The following ABCA4 variants were observed in gnomAD, a reference collection of about 807,000 sequenced individuals.
ABCA4 encodes ATP binding cassette subfamily A member 4, also known as retinal-specific phospholipid-transporting ATPase ABCA4.
A neutral mutation model predicts 263.7 loss-of-function variants in ABCA4; 196 were observed. The observed-to-expected ratio is 0.74, with a 90% CI of 0.66 to 0.84. The LOEUF is 0.84. Among genes scored for constraint, ABCA4 ranks in the 40% least tolerant of loss-of-function variants. ABCA4 has a pLI of 0.00. For synonymous variants in ABCA4, 1,133 were observed against 1,094.2 expected, an observed-to-expected ratio of 1.04 and a Z score of -0.70; for missense variants, 2,792 against 2,855.1, an observed-to-expected ratio of 0.98 and a Z score of 0.50.
intron 6 of ABCA4, among the ~76,000 whole-genome samples, chr1:94,096,895 C>T (rs1397065472): frequency 6.6e-6 from 1 of 152,204 alleles, no homozygotes; most frequent in Non-Finnish European, 1.5e-5. Context: ...CCCAGGTGCA[C>T]AGACATTGCT....
At chr1:94,080,334 C>G in intron 8 of ABCA4, 144 bp downstream of exon 8, 1 of 1,172,998 alleles carries the variant, frequency 8.5e-7, no homozygotes, top group Non-Finnish European at 1.3e-6. Context: ...GGGAAGTGGA[C>G]TTTCTGGGAG....
intron 26 of ABCA4, among the ~76,000 whole-genome samples, chr1:94,034,326 C>T (rs763977579): frequency 3.9e-5 from 6 of 152,170 alleles, no homozygotes; most frequent in Non-Finnish European, 8.8e-5. Flanking sequence ...CTCTCTTCTT[C>T]TTCCCGATGC....
intron 48 of ABCA4, among the ~76,000 whole-genome samples, chr1:93,996,687 T>A (rs6677399): frequency 0.069 from 10,454 of 151,850 alleles, 1,164 homozygotes; most frequent in African/African-American, 0.23. Context: ...TGTTTATTTT[T>A]AAAAAAACAT....
chr1:94,084,337 C>T (rs1309701433), intron 6 of ABCA4, among the ~76,000 whole-genome samples: 2 of 152,238 alleles, frequency 1.3e-5, no homozygotes, highest in African/African-American at 4.8e-5. Flanking sequence ...ACCAGCTGGA[C>T]TTGTAATTCT....
At chr1:94,118,929 A>C (rs1345680517) in intron 1 of ABCA4, among the ~76,000 whole-genome samples, 1 of 152,238 alleles carries the variant, frequency 6.6e-6, no homozygotes, top group South Asian at 2.1e-4. Context: ...TCCTGTTATC[A>C]TGTGACCCCC....
At chr1:94,070,388 A>G (rs1038071876) in intron 11 of ABCA4, among the ~76,000 whole-genome samples, 3 of 152,082 alleles carry the variant, frequency 2.0e-5, no homozygotes, top group Non-Finnish European at 4.4e-5. Flanking sequence ...TGCTGCAGCC[A>G]CACCTCTGCC....
chr1:94,023,432 T>C lies in ABCA4; in HGVS notation c.4635-14A>G, dbSNP rs1470993064. 1 of 1,602,624 alleles carries C rather than the reference T, an allele frequency of 6.2e-7. No individual in the cohort carries two copies. Among genetic ancestry groups the C allele is most frequent in the South Asian group, 1.1e-5 (1 of 90,584 alleles). On this transcript the variant is annotated splice_polypyrimidine_tract_variant and intron_variant, in intron 31 of 49. Coordinates refer to ENST00000370225, the MANE Select transcript of ABCA4 (RefSeq NM_000350.3). ...TTGCTCTTTAAGCTGAAAGCCAAAA[T>C]AAAATAATGCAATGAATACCACAAG...
intron 36 of ABCA4, among the ~76,000 whole-genome samples, chr1:94,018,042 C>A (rs1659785618): frequency 1.3e-5 from 2 of 152,128 alleles, no homozygotes; most frequent in Non-Finnish European, 1.5e-5. Context: ...CTTTAAAATT[C>A]TGGAGCATCA....
chr1:94,021,054 G>T (rs1337842990), intron 35 of ABCA4, among the ~76,000 whole-genome samples, 186 bp downstream of exon 35: 1 of 152,256 alleles, frequency 6.6e-6, no homozygotes, highest in Non-Finnish European at 1.5e-5. Flanking sequence ...TGGGGAGAAA[G>T]AATGACCAAG....
At chr1:94,097,904 C>T (rs145275969) in intron 6 of ABCA4, among the ~76,000 whole-genome samples, 3,474 of 152,232 alleles carry the variant, frequency 0.023, 131 homozygotes, top group African/African-American at 0.079. Flanking sequence ...CGCCCGCCAC[C>T]ACACCTGGCT....
Position 93,996,180 on chromosome 1 carries a change from C to T in ABCA4, c.6745G>A (p.Ala2249Thr). The change falls in exon 49 of 50, where the codon GCT becomes ACT. Residue 2249 changes from alanine (A) to threonine (T), a missense_variant. Transcript: ENST00000370225. Reference sequence around the variant, plus strand: ...TCATGACTTTCAGTCTGCTGTTTAGCAAAATTTACAAACACCTAGAGGTAA... The same window carrying T: ...TCATGACTTTCAGTCTGCTGTTTAGTAAAATTTACAAACACCTAGAGGTAA... The part of the protein sequence containing the change: ...TTLDQVFVNF[A>T]KQQTESHDLP... 4.3e-6 allele frequency: 7 copies of T among 1,613,674 alleles called. No homozygotes were observed. Among genetic ancestry groups the T allele is most frequent in the Non-Finnish European group, 5.9e-6 (7 of 1,179,826 alleles).
At chr1:94,098,676 A>G (rs1291828583) in intron 6 of ABCA4, 118 bp downstream of exon 6, 4 of 1,206,858 alleles carry the variant, frequency 3.3e-6, no homozygotes, top group Non-Finnish European at 4.8e-6. Context: ...GGGAGCCTGG[A>G]GCTTTTGCAA....
intron 8 of ABCA4, 117 bp downstream of exon 8, chr1:94,080,361 G>C: frequency 7.0e-7 from 1 of 1,423,448 alleles, no homozygotes; most frequent in Middle Eastern, 2.4e-4. Flanking sequence ...CTTTACCTAA[G>C]GCCACTCAGC....
rs1361607044 is a variant in ABCA4 at position 94,103,019 on chromosome 1, T to C, written c.566A>G (p.Glu189Gly). The C allele has an allele frequency of 1.2e-6, 2 of 1,614,074 alleles. No homozygotes were observed. Among genetic ancestry groups the C allele is most frequent in the African/African-American group, 1.3e-5 (1 of 74,940 alleles). Reference sequence around the variant, plus strand: ...TGGCCAGTGACATCCCCCTACCTGCTCTGGACGGACTTGAGAGTTGATCAG... The same window carrying C: ...TGGCCAGTGACATCCCCCTACCTGCCCTGGACGGACTTGAGAGTTGATCAG... ...YLLINSQVRP[E>G]QFAHGVPDLA... Residue 189 changes from glutamate to glycine, a missense_variant, in exon 5 of 50, where the codon GAG becomes GGG. Transcript: ENST00000370225.
In ABCA4 at chr1:94,110,271, AT is replaced by A. The variant is rs1241124385; in HGVS notation, c.302+1166del. Reference sequence around the variant, plus strand: ...CATAAAAATTACAGGCTTACAGATCATACAGTCTCTATCACAACTACTCAAC... The same window carrying A: ...CATAAAAATTACAGGCTTACAGATCAACAGTCTCTATCACAACTACTCAAC... On this transcript the variant is annotated intron_variant, in intron 3 of 49. Coordinates refer to ENST00000370225, the MANE Select transcript of ABCA4 (RefSeq NM_000350.3). 2.0e-5 allele frequency among the ~76,000 whole-genome samples: 3 copies of A among 152,362 alleles called. No homozygotes were observed. In the East Asian group the frequency reaches 5.8e-4, roughly 29 times the overall value.
intron 11 of ABCA4, among the ~76,000 whole-genome samples, chr1:94,065,838 A>T (rs1435148618): frequency 6.6e-6 from 1 of 152,260 alleles, no homozygotes; most frequent in Non-Finnish European, 1.5e-5. Flanking sequence ...CAGTGACACC[A>T]TGCTAATGAG....
At chr1:94,065,570 C>T (rs1661248508) in intron 11 of ABCA4, among the ~76,000 whole-genome samples, 1 of 152,212 alleles carries the variant, frequency 6.6e-6, no homozygotes, top group South Asian at 2.1e-4. Context: ...CAAGGGGCTG[C>T]ACACCCAACA....
intron 11 of ABCA4, among the ~76,000 whole-genome samples, chr1:94,067,379 C>T (rs987873812): frequency 1.1e-4 from 16 of 152,302 alleles, no homozygotes; most frequent in East Asian, 1.9e-4. Context: ...GCTGTGATGA[C>T]GTGGGCTCCA....
At chr1:94,025,810 C>T (rs558889157) in intron 30 of ABCA4, among the ~76,000 whole-genome samples, 6 of 152,248 alleles carry the variant, frequency 3.9e-5, no homozygotes, top group South Asian at 4.2e-4. Context: ...GTATTTGTAT[C>T]TGTAATCCCC....
Sources: allele counts gnomAD v4.1 joint callset (sites outside exome capture counted in the v4.1 genomes callset), GRCh38; gene constraint gnomAD v4.1.1; transcripts MANE v1.5; gene names NCBI Gene and HGNC (gene_info 2026-07-23, HGNC 2026-07-21).